Variants in MYO16 observed in about 807,000 individuals in gnomAD.
The protein encoded by MYO16 is myosin XVI.
MYO16 carries 94 observed loss-of-function variants against 205.3 expected under a neutral mutation model. The observed-to-expected ratio is 0.46, with a 90% CI of 0.39 to 0.54. MYO16 has a LOEUF of 0.54. Among genes scored for constraint, MYO16 ranks in the 20% least tolerant of loss-of-function variants. The probability of loss-of-function intolerance (pLI) is 0.00; values close to 1 mark genes in which losing one functional copy is unlikely to be tolerated. For synonymous variants in MYO16, 988 were observed against 954.0 expected (o/e 1.04, Z -0.66); for missense variants, 2,315 against 2,387.5 (o/e 0.97, Z 0.63).
At chr13:108,946,822 GC>G (rs1882959296) in intron 16 of MYO16, among the ~76,000 whole-genome samples, 1 of 151,984 alleles carries the variant, frequency 6.6e-6, no homozygotes, top group Non-Finnish European at 1.5e-5. Flanking sequence ...GCTCACTGCA[GC>G]CCCAGCCTCC....
rs1169177514 is a variant in MYO16 at position 108,817,344 on chromosome 13, A to G, written c.868-2993A>G. ...TTGTACAGTGGACTACAACTCAACA[A>G]TGAAGAGAGAAAGTGTCAATGCATG... On this transcript the variant is annotated intron_variant, in intron 7 of 34. Coordinates refer to ENST00000457511, the MANE Select transcript of MYO16 (RefSeq NM_001198950.3). 2.6e-5 allele frequency among the ~76,000 whole-genome samples: 4 copies of G among 152,370 alleles called. No individual in the cohort carries two copies. The South Asian group carries it at 6.2e-4, about 24-fold the overall frequency.
intron 2 of MYO16, among the ~76,000 whole-genome samples, chr13:108,699,553 T>A (rs1926507): frequency 1.3e-4 from 20 of 152,054 alleles, no homozygotes; most frequent in South Asian, 4.2e-4. Context: ...GATTTACTAC[T>A]TCTACATCAA....
intron 23 of MYO16, among the ~76,000 whole-genome samples, chr13:109,026,302 C>T (rs1026055838): frequency 9.2e-5 from 14 of 152,026 alleles, no homozygotes; most frequent in Non-Finnish European, 1.9e-4. Flanking sequence ...GTGGTCTCTA[C>T]GTCCAAAACC....
intron 16 of MYO16, among the ~76,000 whole-genome samples, chr13:108,938,922 AC>A (rs1182423136): frequency 6.6e-6 from 1 of 152,224 alleles, no homozygotes; most frequent in African/African-American, 2.4e-5. Flanking sequence ...GATCCAGGTC[AC>A]CAGGCTGGCC....
chr13:108,510,202 T>C, the MYO16 span, among the ~76,000 whole-genome samples: 2 of 151,988 alleles, frequency 1.3e-5, no homozygotes, highest in African/African-American at 4.8e-5. Flanking sequence ...CTGCAAGCTC[T>C]GCCTCCCGGG....
chr13:108,844,399 T>C lies in MYO16; in HGVS notation c.1154T>C (p.Met385Thr), dbSNP rs771219665. Residue 385 changes from methionine to threonine, a missense_variant, in exon 10 of 35, where the codon ATG (methionine) becomes ACG (threonine). By Grantham distance (81) the Met-to-Thr change is moderately conservative (BLOSUM62 -1). Transcript: ENST00000457511. The stretch of plus-strand genomic sequence containing the variant: ...GACAGTTTGTTGGAAAAAGACATTA[T>C]GTTCAAAGATGCAACAAAAGGTCTG... ...KQDSLLEKDIMFKDATKGLCK... is the reference protein window; with the variant it reads ...KQDSLLEKDITFKDATKGLCK... The C allele has an allele frequency of 3.1e-6, 5 of 1,613,642 alleles. No individual in the cohort carries two copies. In the South Asian group the frequency reaches 5.5e-5, roughly 18 times the overall value.
At chr13:108,926,372 C>T (rs1427235466) in intron 16 of MYO16, among the ~76,000 whole-genome samples, 1 of 152,162 alleles carries the variant, frequency 6.6e-6, no homozygotes, top group East Asian at 1.9e-4. Context: ...AAGAGATGGT[C>T]CCTGCTCTAA....
chr13:108,710,340 G>C (rs61969486), intron 2 of MYO16, among the ~76,000 whole-genome samples: 45,718 of 151,918 alleles, frequency 0.3, 6,993 homozygotes, highest in Middle Eastern at 0.43. Context: ...TTCCCCCTTT[G>C]TTCTACTTTT....
intron 23 of MYO16, among the ~76,000 whole-genome samples, chr13:109,030,710 A>C (rs1886520676): frequency 6.6e-6 from 1 of 152,140 alleles, no homozygotes. Flanking sequence ...TGTGGGCTGC[A>C]TATTGACTTT....
intron 4 of MYO16, among the ~76,000 whole-genome samples, chr13:108,769,905 A>G (rs954341668): frequency 2.0e-5 from 3 of 152,198 alleles, no homozygotes; most frequent in Non-Finnish European, 4.4e-5. Flanking sequence ...GTATAATAGT[A>G]ATTCTAGTGA....
chr13:108,501,227 T>C, the MYO16 span, among the ~76,000 whole-genome samples: 1 of 152,146 alleles, frequency 6.6e-6, no homozygotes, highest in African/African-American at 2.4e-5. Flanking sequence ...CTGGATTGGG[T>C]TGGTGTTACA....
At chr13:109,081,739 A>G (rs541690393) in intron 27 of MYO16, among the ~76,000 whole-genome samples, 1 of 152,358 alleles carries the variant, frequency 6.6e-6, no homozygotes, top group South Asian at 2.1e-4. Context: ...TTGCAGTGGC[A>G]TAAGAACAGG....
At chr13:108,534,834 C>T in the MYO16 span, among the ~76,000 whole-genome samples, 2 of 150,130 alleles carry the variant, frequency 1.3e-5, no homozygotes, top group African/African-American at 4.9e-5. Context: ...TCTTCCTCTT[C>T]TTCTTCTCCT....
intron 4 of MYO16, among the ~76,000 whole-genome samples, chr13:108,758,681 A>C (rs184095555): frequency 6.6e-6 from 1 of 152,346 alleles, no homozygotes; most frequent in Non-Finnish European, 1.5e-5. Context: ...TATTCAATTT[A>C]GAACTCATCC....
chr13:108,804,530 C>A (rs1887058104), intron 6 of MYO16, among the ~76,000 whole-genome samples: 1 of 152,010 alleles, frequency 6.6e-6, no homozygotes, highest in Admixed American at 6.6e-5. Context: ...TGTTTTTAAT[C>A]TTTTAACTCT....
chr13:108,830,411 G>T (rs9555518), intron 9 of MYO16, among the ~76,000 whole-genome samples: 2 of 150,340 alleles, frequency 1.3e-5, no homozygotes, highest in South Asian at 2.1e-4. Flanking sequence ...ACATATACAC[G>T]ATGGAATACT....
intron 28 of MYO16, among the ~76,000 whole-genome samples, chr13:109,112,199 A>AT (rs906812347): frequency 6.6e-6 from 1 of 152,192 alleles, no homozygotes; most frequent in African/African-American, 2.4e-5. Flanking sequence ...GGGTTAGCTC[A>AT]TATTATGGAG....
At chr13:108,897,665 A>T (rs887242542) in intron 14 of MYO16, among the ~76,000 whole-genome samples, 1 of 152,228 alleles carries the variant, frequency 6.6e-6, no homozygotes, top group African/African-American at 2.4e-5. Context: ...CCCTTCCAAA[A>T]TGCAAACGCT....
intron 1 of MYO16, among the ~76,000 whole-genome samples, chr13:108,606,092 C>T (rs947520527): frequency 3.3e-5 from 5 of 152,128 alleles, no homozygotes; most frequent in African/African-American, 1.2e-4. Flanking sequence ...GGAACTTGAA[C>T]TTGAGAGAGA....
Sources: gnomAD v4.1 joint callset for allele counts (sites outside exome capture counted in the v4.1 genomes callset) on GRCh38, gnomAD v4.1.1 for gene constraint, MANE v1.5 for transcripts, NCBI Gene and HGNC (gene_info 2026-07-23, HGNC 2026-07-21) for gene names.